Variants in NKAIN3 observed in about 807,000 individuals in gnomAD.
NKAIN3 encodes sodium/potassium-transporting ATPase subunit beta-1-interacting protein 3.
In NKAIN3, 25 loss-of-function variants were observed where a neutral mutation model predicts 30.2. That is an observed-to-expected ratio of 0.83 (90% confidence interval 0.60 to 1.16). The LOEUF (loss-of-function observed/expected upper bound fraction) is 1.16, where lower values mean the gene tolerates loss of function less well. Among genes scored for constraint, NKAIN3 ranks in the 50% most tolerant of loss-of-function variants. The pLI is 0.00. For missense variants in NKAIN3, 225 were observed against 254.1 expected, an observed-to-expected ratio of 0.89 and a Z score of 0.78; for synonymous variants, 91 against 89.6, an observed-to-expected ratio of 1.02 and a Z score of -0.09.
At chr8:62,428,983 T>A (rs1242316282) in intron 1 of NKAIN3, among the ~76,000 whole-genome samples, 1 of 152,000 alleles carries the variant, frequency 6.6e-6, no homozygotes, top group African/African-American at 2.4e-5. Context: ...GAGTCTTTAA[T>A]CCATGTTGAT....
At chr8:62,324,333 G>A (rs1338986616) in intron 1 of NKAIN3, among the ~76,000 whole-genome samples, 1 of 151,824 alleles carries the variant, frequency 6.6e-6, no homozygotes, top group Non-Finnish European at 1.5e-5. Context: ...GGCTCTGCAG[G>A]GTCCCTAAAT....
At chr8:62,825,913 G>A (rs1819006639) in intron 4 of NKAIN3, among the ~76,000 whole-genome samples, 1 of 152,258 alleles carries the variant, frequency 6.6e-6, no homozygotes, top group South Asian at 2.1e-4. Flanking sequence ...TGGAGTGAGG[G>A]AAGGAAGGGC....
intron 1 of NKAIN3, among the ~76,000 whole-genome samples, chr8:62,386,986 C>T (rs1474216749): frequency 6.6e-6 from 1 of 151,618 alleles, no homozygotes; most frequent in Non-Finnish European, 1.5e-5. Context: ...ATAGATTATA[C>T]TTCTTAAAGA....
At chr8:62,430,366 G>GGTGTGTGTAT (rs923386627) in intron 1 of NKAIN3, among the ~76,000 whole-genome samples, 2 of 142,460 alleles carry the variant, frequency 1.4e-5, no homozygotes, top group African/African-American at 5.2e-5. Flanking sequence ...TATATATTGT[G>GGTGTGTGTAT]GTGTGTGTGT....
Position 62,524,225 on chromosome 8 carries a change from A to AATATAT in NKAIN3, c.55-55301_55-55296dup, listed in dbSNP as rs5891861. On this transcript the variant is annotated intron_variant, in intron 1 of 6. Transcript: ENST00000623646. Reference sequence around the variant, plus strand: ...CCAGGCTAAGTCCACCCCCCACCAAAATATATATATATATATATTAGCAAA... The same window carrying AATATAT: ...CCAGGCTAAGTCCACCCCCCACCAAAATATATATATATATATATATATATTAGCAAA... Among the ~76,000 whole-genome samples, 1,439 of 148,350 alleles carry AATATAT rather than the reference A, an allele frequency of 9.7e-3. 23 individuals are homozygous for AATATAT. The highest frequency in any genetic ancestry group is 0.033 in the African/African-American group (1,350 of 40,562).
intron 4 of NKAIN3, among the ~76,000 whole-genome samples, chr8:62,754,033 A>G (rs1345015552): frequency 6.6e-6 from 1 of 152,132 alleles, no homozygotes; most frequent in Non-Finnish European, 1.5e-5. Context: ...AATTATGGAT[A>G]TGCCTTCCCA....
chr8:62,739,117 G>T (rs558411627), intron 3 of NKAIN3, among the ~76,000 whole-genome samples: 2 of 152,264 alleles, frequency 1.3e-5, no homozygotes, highest in Non-Finnish European at 2.9e-5. Flanking sequence ...CCTGTTGGGG[G>T]TTGGAGGCTA....
rs114889600 is a variant in NKAIN3, at chr8:62,807,833, A to T, written c.471+60704A>T. On this transcript the variant is annotated intron_variant, in intron 4 of 6. Transcript: ENST00000623646. ...TGAAAACTCATGCTCTATATGATAA[A>T]TACATACAATTTTATCAATTTTATA... is the stretch of plus-strand genomic sequence containing the variant. Among the ~76,000 whole-genome samples the T allele has an allele frequency of 9.7e-3, 1,466 of 150,386 alleles. 22 individuals are homozygous for T. The highest frequency in any genetic ancestry group is 0.034 in the African/African-American group (1,385 of 41,296).
chr8:62,853,829 G>A (rs1043313449), intron 4 of NKAIN3, among the ~76,000 whole-genome samples: 39 of 151,908 alleles, frequency 2.6e-4, no homozygotes, highest in African/African-American at 8.5e-4. Flanking sequence ...TTTTGATGTG[G>A]GTATTTAGTG....
At chr8:62,504,686 G>T (rs1348677492) in intron 1 of NKAIN3, among the ~76,000 whole-genome samples, 1 of 152,006 alleles carries the variant, frequency 6.6e-6, no homozygotes, top group Admixed American at 6.6e-5. Context: ...TCATTTTCAG[G>T]AAACACAGCA....
At chr8:62,261,197 C>T (rs1340002985) in intron 1 of NKAIN3, among the ~76,000 whole-genome samples, 1 of 152,064 alleles carries the variant, frequency 6.6e-6, no homozygotes. Context: ...ATTTTATAAC[C>T]TAAGTGTTTT....
rs150825928 is a variant in NKAIN3 at position 62,358,042 on chromosome 8, C to T, written c.54+108915C>T. Among the ~76,000 whole-genome samples the T allele has an allele frequency of 1.8e-3, 270 of 152,134 alleles. 3 individuals carry two copies. Among genetic ancestry groups the T allele is most frequent in the Middle Eastern group, 0.01 (3 of 294 alleles). The stretch of plus-strand genomic sequence containing the variant: ...GATATTTTAAGAGTCAGTATATTGG[C>T]ATACCATACAGATTCATATCATGGA... On this transcript the variant is annotated intron_variant, in intron 1 of 6. Coordinates refer to ENST00000623646, the MANE Select transcript of NKAIN3 (RefSeq NM_001304533.3).
At chr8:62,949,564 G>A (rs1273861563) in intron 5 of NKAIN3, among the ~76,000 whole-genome samples, 2 of 152,144 alleles carry the variant, frequency 1.3e-5, no homozygotes, top group Admixed American at 6.5e-5. Flanking sequence ...GTTGGCACAG[G>A]AAGAAGATTT....
chr8:62,801,570 A>G (rs1361436149), intron 4 of NKAIN3, among the ~76,000 whole-genome samples: 2 of 152,206 alleles, frequency 1.3e-5, no homozygotes, highest in Non-Finnish European at 2.9e-5. Flanking sequence ...TCTCTGTTAG[A>G]AGGAAAACTA....
chr8:62,259,339 G>A (rs1563909725), intron 1 of NKAIN3, among the ~76,000 whole-genome samples: 1 of 152,032 alleles, frequency 6.6e-6, no homozygotes, highest in Non-Finnish European at 1.5e-5. Context: ...TGGATGCTTT[G>A]AGGTCAATTT....
intron 3 of NKAIN3, among the ~76,000 whole-genome samples, chr8:62,626,146 G>A (rs1389627377): frequency 1.3e-5 from 2 of 152,016 alleles, no homozygotes; most frequent in African/African-American, 4.8e-5. Flanking sequence ...GAGACCACCT[G>A]GAGATTCTTC....
chr8:62,500,923 C>T (rs138374713), intron 1 of NKAIN3, among the ~76,000 whole-genome samples: 5 of 152,238 alleles, frequency 3.3e-5, no homozygotes, highest in African/African-American at 1.2e-4. Flanking sequence ...GGATGATGCA[C>T]GCCATCATAA....
At chr8:62,566,546 A>G in intron 1 of NKAIN3, among the ~76,000 whole-genome samples, 1 of 152,292 alleles carries the variant, frequency 6.6e-6, no homozygotes, top group Non-Finnish European at 1.5e-5. Flanking sequence ...TTGGAGCAGA[A>G]GTATTTTTAA....
chr8:62,762,049 C>A (rs1439482922), intron 4 of NKAIN3, among the ~76,000 whole-genome samples: 1 of 152,194 alleles, frequency 6.6e-6, no homozygotes, highest in African/African-American at 2.4e-5. Context: ...GACATGGTAG[C>A]TCACGCCTGT....
Sources: allele counts gnomAD v4.1 joint callset (sites outside exome capture counted in the v4.1 genomes callset), GRCh38; gene constraint gnomAD v4.1.1; transcripts MANE v1.5; gene names NCBI Gene and HGNC (gene_info 2026-07-23, HGNC 2026-07-21).